The following FBLN1 variants were observed in gnomAD, a reference collection of about 807,000 sequenced individuals.
FBLN1 encodes the protein fibulin-1.
Under a neutral mutation model 89.7 loss-of-function variants are expected in FBLN1, and 34 were observed. The ratio of observed to expected loss-of-function variants is 0.38; its 90% CI spans 0.29 to 0.50. The LOEUF (loss-of-function observed/expected upper bound fraction) is 0.50. FBLN1 is among the 20% of genes least tolerant of loss of function. FBLN1 has a pLI of 0.92. For missense variants in FBLN1, 777 were observed against 988.1 expected, an observed-to-expected ratio of 0.79 and a Z score of 2.86; for synonymous variants, 393 against 391.3, an observed-to-expected ratio of 1.00 and a Z score of -0.05.
Position 45,502,971 on chromosome 22 carries a change from C to T in FBLN1, c.-15C>T. 8.7e-7 allele frequency: 1 copy of T among 1,151,456 alleles called. No homozygotes were observed. Among genetic ancestry groups the T allele is most frequent in the Non-Finnish European group, 1.1e-6 (1 of 933,908 alleles). The allele number at this position is 1,151,456 out of a possible 1,614,324, so 71.3% of individuals were successfully genotyped here. ...CCTTTGTCCGCCGCCGCCCACCGCC[C>T]GTCGCCCGCCGCCCATGGAGCGCGC... On this transcript the variant is annotated 5_prime_UTR_variant, in exon 1 of 17. Coordinates refer to ENST00000327858, the MANE Select transcript of FBLN1 (RefSeq NM_006486.3).
In FBLN1 at chr22:45,530,757, T is replaced by A. The variant is rs2088394455; in HGVS notation, c.485-508T>A. Among the ~76,000 whole-genome samples the A allele has an allele frequency of 6.7e-6, 1 of 149,724 alleles. No homozygotes were observed. On this transcript the variant is annotated intron_variant, in intron 4 of 16. Transcript: ENST00000327858. This position sits in a 1 kb window ranked among gnomAD's most constrained non-coding sequence, Gnocchi z 5.4. ...CAGGCCTTTGTGTCTGTGGTCTTTC[T>A]GTTATAACTGATCTTTTTTTTTTGA...
chr22:45,569,941 T>G (rs1257658307), intron 14 of FBLN1, among the ~76,000 whole-genome samples: 2 of 152,132 alleles, frequency 1.3e-5, no homozygotes, highest in Admixed American at 1.3e-4. Context: ...CTCTGGGTAA[T>G]GAAAGCACAC....
intron 1 of FBLN1, among the ~76,000 whole-genome samples, chr22:45,514,072 C>G (rs565094091): frequency 1.3e-5 from 2 of 152,104 alleles, no homozygotes; most frequent in African/African-American, 4.8e-5. Context: ...CGTGAGCCAC[C>G]GTACCTGGCC....
intron 2 of FBLN1, among the ~76,000 whole-genome samples, chr22:45,521,261 C>T (rs1051788954): frequency 4.6e-5 from 7 of 152,184 alleles, no homozygotes; most frequent in East Asian, 1.9e-4. Context: ...TCTTTAAGTG[C>T]GGGTGCAAGT....
chr22:45,560,816 A>G (rs1263439897), intron 14 of FBLN1, among the ~76,000 whole-genome samples: 3 of 152,120 alleles, frequency 2.0e-5, no homozygotes, highest in Non-Finnish European at 4.4e-5. Context: ...CCAGGACTTT[A>G]GTCTAGTTAT....
chr22:45,552,688 TTCTC>T (rs1218149473), intron 14 of FBLN1, among the ~76,000 whole-genome samples: 1 of 152,004 alleles, frequency 6.6e-6, no homozygotes, highest in African/African-American at 2.4e-5. Flanking sequence ...TGCTGTGCCT[TTCTC>T]TCTCTCTCCA....
At chr22:45,521,240 C>T (rs1223102983) in intron 2 of FBLN1, among the ~76,000 whole-genome samples, 1 of 152,228 alleles carries the variant, frequency 6.6e-6, no homozygotes, top group Non-Finnish European at 1.5e-5. Context: ...GCTGAGAGGG[C>T]ATTCCTTCTC....
In FBLN1 at chr22:45,563,261, C is replaced by A; in HGVS notation, c.1698-11250C>A. ...GCTTTTCATCTTTGTGTCTGCAGAG[C>A]TCTGAGCACTCGCTTCGCGTCGCGG... is the stretch of plus-strand genomic sequence containing the variant. On this transcript the variant is annotated intron_variant, in intron 14 of 16. Coordinates refer to ENST00000327858, the MANE Select transcript of FBLN1 (RefSeq NM_006486.3). This position sits in a 1 kb window ranked among gnomAD's most constrained non-coding sequence, Gnocchi z 5.7. 2.5e-6 allele frequency: 4 copies of A among 1,613,604 alleles called. No individual in the cohort carries two copies. Among genetic ancestry groups the A allele is most frequent in the South Asian group, 2.2e-5 (2 of 91,088 alleles).
chr22:45,577,848 C>A lies in FBLN1; in HGVS notation c.1972+740C>A, dbSNP rs902194193. 1.3e-5 allele frequency: 2 copies of A among 155,162 alleles called. No individual in the cohort carries two copies. Among genetic ancestry groups the A allele is most frequent in the Non-Finnish European group, 1.4e-5 (1 of 69,942 alleles). The allele number at this position is 155,162 out of a possible 1,614,324, so 9.6% of individuals were successfully genotyped here. ...GAACGGGCTTTAATGACAACCTACT[C>A]GTGTGAAAAAATATCCAGGCCCACT... On this transcript the variant is annotated intron_variant, in intron 16 of 16. Transcript: ENST00000327858. The surrounding 1 kb of genome is among the most constrained non-coding windows in gnomAD (Gnocchi z 6.6).
Position 45,576,062 on chromosome 22 carries a change from C to T in FBLN1, c.1841-915C>T, listed in dbSNP as rs1391721492. Among the ~76,000 whole-genome samples the T allele has an allele frequency of 6.6e-6, 1 of 152,194 alleles. No homozygotes were observed. The highest frequency in any genetic ancestry group is 1.5e-5 in the Non-Finnish European group (1 of 68,032). Reference sequence around the variant, plus strand: ...CGGGGGGGTGGGGGGAGGAGAGGCTCCCTCAGCACGTGGTTGCCCAAGGAG... The same window carrying T: ...CGGGGGGGTGGGGGGAGGAGAGGCTTCCTCAGCACGTGGTTGCCCAAGGAG... On this transcript the variant is annotated intron_variant, in intron 15 of 16. Coordinates refer to ENST00000327858, the MANE Select transcript of FBLN1 (RefSeq NM_006486.3). This position sits in a 1 kb window ranked among gnomAD's most constrained non-coding sequence, Gnocchi z 5.2.
rs1484575995 is a variant in FBLN1 at position 45,531,469 on chromosome 22, A to C, written c.544+145A>C. ...CAGGAGGTTGTGGCTGCAGTGAGCT[A>C]TGACTGCACCTTTGCACTCTAGCCT... On this transcript the variant is annotated intron_variant, in intron 5 of 16. Coordinates refer to ENST00000327858, the MANE Select transcript of FBLN1 (RefSeq NM_006486.3). The surrounding 1 kb of genome is among the most constrained non-coding windows in gnomAD (Gnocchi z 4.9). 7.0e-6 allele frequency: 5 copies of C among 717,236 alleles called. No individual in the cohort carries two copies. Among genetic ancestry groups the C allele is most frequent in the African/African-American group, 1.7e-5 (1 of 57,368 alleles). 44.4% of individuals were successfully genotyped at this position (717,236 alleles called of 1,614,324 possible). A position where few individuals can be genotyped will look rare whatever the true frequency, so the allele number is the denominator to read the frequency against.
At chr22:45,505,666 C>T (rs1569230083) in intron 1 of FBLN1, among the ~76,000 whole-genome samples, 1 of 152,184 alleles carries the variant, frequency 6.6e-6, no homozygotes, top group Non-Finnish European at 1.5e-5. Context: ...TGGTGGTTTT[C>T]TCATTTATAA....
chr22:45,593,478 A>G (rs1474887532), intron 16 of FBLN1, among the ~76,000 whole-genome samples: 1 of 152,238 alleles, frequency 6.6e-6, no homozygotes, highest in East Asian at 1.9e-4. Flanking sequence ...GCCAAGGGAT[A>G]CCAGCAGCGT....
chr22:45,543,922 A>G (rs1212531305), intron 11 of FBLN1, among the ~76,000 whole-genome samples: 1 of 152,228 alleles, frequency 6.6e-6, no homozygotes, highest in Non-Finnish European at 1.5e-5. Context: ...TGTTTTGCAC[A>G]AAGACAGTGT....
At chr22:45,512,849 C>T (rs2088120087) in intron 1 of FBLN1, among the ~76,000 whole-genome samples, 1 of 152,182 alleles carries the variant, frequency 6.6e-6, no homozygotes, top group African/African-American at 2.4e-5. Context: ...GCTTGAACTC[C>T]TGGGCTCAAG....
At chr22:45,547,731 C>A (rs958110203) in intron 12 of FBLN1, among the ~76,000 whole-genome samples, 2 of 151,936 alleles carry the variant, frequency 1.3e-5, no homozygotes, top group South Asian at 2.1e-4. Context: ...CTTTTCCCAT[C>A]CTTAAGCGTG....
At chr22:45,593,775 G>GTGAA (rs1387411322) in intron 16 of FBLN1, among the ~76,000 whole-genome samples, 1 of 152,144 alleles carries the variant, frequency 6.6e-6, no homozygotes, top group Non-Finnish European at 1.5e-5. Flanking sequence ...GAGGCTTCAG[G>GTGAA]GACTGATTTT....
Position 45,594,871 on chromosome 22 carries a change from C to CGGAT in FBLN1, c.1973-5427_1973-5424dup, listed in dbSNP as rs3043822. On this transcript the variant is annotated intron_variant, in intron 16 of 16. Transcript: ENST00000327858. ...GTGGGTGGGTGGATGGATGGATGGA[C>CGGAT]GGATGGATGGATAGATGGATTGGTG... Among the ~76,000 whole-genome samples, 20 of 150,106 alleles carry CGGAT rather than the reference C, an allele frequency of 1.3e-4. No individual in the cohort carries two copies. The South Asian group carries it at 3.4e-3, about 26-fold the overall frequency.
intron 1 of FBLN1, among the ~76,000 whole-genome samples, chr22:45,509,373 G>T (rs945955673): frequency 6.6e-6 from 1 of 152,228 alleles, no homozygotes; most frequent in South Asian, 2.1e-4. Flanking sequence ...GCCTCCTCCC[G>T]GCTGGTTCAC....
Sources: allele counts gnomAD v4.1 joint callset (sites outside exome capture counted in the v4.1 genomes callset), GRCh38; gene constraint gnomAD v4.1.1; non-coding constraint Gnocchi (gnomAD v3.1); transcripts MANE v1.5; gene names NCBI Gene and HGNC (gene_info 2026-07-23, HGNC 2026-07-21).